Variants in CAP2 observed in about 807,000 individuals in gnomAD.
The protein encoded by CAP2 is cyclase associated actin cytoskeleton regulatory protein 2.
Under a neutral mutation model 57.7 loss-of-function variants are expected in CAP2, and 24 were observed. That is an observed-to-expected ratio of 0.42 (90% CI 0.30 to 0.58). The LOEUF (loss-of-function observed/expected upper bound fraction) is 0.58, where lower values mean the gene tolerates loss of function less well. Ranked by LOEUF, CAP2 falls within the 20% of genes least tolerant of loss-of-function variation. The probability of loss-of-function intolerance (pLI) is 0.22; values close to 1 mark genes in which losing one functional copy is unlikely to be tolerated. For missense variants in CAP2, 501 were observed against 590.3 expected, an observed-to-expected ratio of 0.85 and a Z score of 1.57; for synonymous variants, 194 against 207.2, an observed-to-expected ratio of 0.94 and a Z score of 0.55.
At chr6:17,490,299 A>T (rs1761514163) in intron 4 of CAP2, among the ~76,000 whole-genome samples, 1 of 152,216 alleles carries the variant, frequency 6.6e-6, no homozygotes, top group South Asian at 2.1e-4. Flanking sequence ...CATCTGTATG[A>T]GTCCACATCT....
intron 4 of CAP2, among the ~76,000 whole-genome samples, chr6:17,476,902 C>T (rs538685665): frequency 2.4e-4 from 31 of 130,700 alleles, no homozygotes; most frequent in Admixed American, 2.6e-4. Flanking sequence ...GATGGAATCT[C>T]GCTCTGCTGC....
Position 17,529,629 on chromosome 6 carries a change from A to C in CAP2, c.637-9640A>C, listed in dbSNP as rs1396007893. Among the ~76,000 whole-genome samples the C allele has an allele frequency of 3.0e-5, 4 of 134,872 alleles. No individual in the cohort carries two copies. The Admixed American group carries it at 3.1e-4, about 10-fold the overall frequency. The allele number at this position is 134,872 out of a possible 152,430, so 88.5% of individuals were successfully genotyped here. The stretch of plus-strand genomic sequence containing the variant: ...GCACTCCGGCCTGGGCAACAGAGCA[A>C]GACTCCGTCTCAAAAAAAAAAAATA... On this transcript the variant is annotated intron_variant, in intron 7 of 12. Transcript: ENST00000229922.
At chr6:17,539,588 A>G (rs966149750) in intron 8 of CAP2, 130 bp downstream of exon 8, 3 of 709,130 alleles carry the variant, frequency 4.2e-6, no homozygotes, top group Non-Finnish European at 6.9e-6. Flanking sequence ...GAGAGGGGGA[A>G]CTGGTGCTGG....
At chr6:17,499,702 T>A (rs2113646573) in intron 4 of CAP2, among the ~76,000 whole-genome samples, 1 of 152,024 alleles carries the variant, frequency 6.6e-6, no homozygotes, top group East Asian at 1.9e-4. Flanking sequence ...AATCAAAAAC[T>A]TAGCCAGGGC....
chr6:17,470,965 C>T (rs960839979), intron 4 of CAP2, among the ~76,000 whole-genome samples: 7 of 152,148 alleles, frequency 4.6e-5, no homozygotes, highest in East Asian at 1.9e-4. Context: ...TGTATGTATG[C>T]GATATTTCAA....
intron 1 of CAP2, among the ~76,000 whole-genome samples, chr6:17,420,558 G>C (rs1356651522): frequency 6.6e-6 from 1 of 152,150 alleles, no homozygotes; most frequent in Non-Finnish European, 1.5e-5. Flanking sequence ...TTATCGGTAG[G>C]TTTAGTCTCC....
chr6:17,416,673 G>T (rs998948563), intron 1 of CAP2, among the ~76,000 whole-genome samples: 1 of 152,142 alleles, frequency 6.6e-6, no homozygotes, highest in Non-Finnish European at 1.5e-5. Flanking sequence ...GACATAAGGG[G>T]GAAGGGAGGG....
At chr6:17,442,101 T>C (rs1295795059) in intron 3 of CAP2, among the ~76,000 whole-genome samples, 1 of 152,194 alleles carries the variant, frequency 6.6e-6, no homozygotes, top group Non-Finnish European at 1.5e-5. Context: ...GTTGATACTT[T>C]AGGGGCAATT....
At chr6:17,427,940 G>A (rs924256909) in intron 3 of CAP2, among the ~76,000 whole-genome samples, 3 of 152,172 alleles carry the variant, frequency 2.0e-5, no homozygotes, top group Non-Finnish European at 2.9e-5. Context: ...TGCCTAGGGC[G>A]GTCAAATTTG....
At chr6:17,499,259 C>T (rs563543599) in intron 4 of CAP2, among the ~76,000 whole-genome samples, 5 of 150,666 alleles carry the variant, frequency 3.3e-5, no homozygotes, top group African/African-American at 1.2e-4. Context: ...ATTAGCCAGG[C>T]GTGGTGGCAC....
intron 1 of CAP2, among the ~76,000 whole-genome samples, chr6:17,397,519 C>A (rs570660892): frequency 4.8e-4 from 73 of 151,696 alleles, no homozygotes; most frequent in African/African-American, 1.4e-3. Context: ...GTGGTGAAAC[C>A]CCATCTCTAC....
chr6:17,431,522 G>T (rs1273347372), intron 3 of CAP2, among the ~76,000 whole-genome samples: 2 of 152,148 alleles, frequency 1.3e-5, no homozygotes, highest in South Asian at 2.1e-4. Context: ...CCTCACTTTT[G>T]ATGGGTCATA....
chr6:17,484,556 C>T (rs1299141204), intron 4 of CAP2, among the ~76,000 whole-genome samples: 1 of 152,232 alleles, frequency 6.6e-6, no homozygotes, highest in African/African-American at 2.4e-5. Context: ...AAACACCTCA[C>T]TTTTCATCTC....
chr6:17,475,206 A>AAG (rs1554125491), intron 4 of CAP2, among the ~76,000 whole-genome samples: 2 of 151,810 alleles, frequency 1.3e-5, no homozygotes, highest in African/African-American at 4.9e-5. Context: ...AAAAAAAAAA[A>AAG]AAAGAAAGAA....
At chr6:17,404,412 T>C (rs1232940729) in intron 1 of CAP2, among the ~76,000 whole-genome samples, 6 of 152,182 alleles carry the variant, frequency 3.9e-5, no homozygotes, top group South Asian at 2.1e-4. Flanking sequence ...GAGACCATCC[T>C]GGCTAACACG....
rs1763185924 is a variant in CAP2, at chr6:17,552,195, C to T, written c.1350+591C>T. On this transcript the variant is annotated intron_variant, in intron 12 of 12. Transcript: ENST00000229922. ...GAAACACTAGCCTAAAAGACTTGGC[C>T]ACTATTTATTTTCTCAGCTTTCTCT... Among the ~76,000 whole-genome samples, 10 of 152,310 alleles carry T rather than the reference C, an allele frequency of 6.6e-5. No individual in the cohort carries two copies. In the South Asian group the frequency reaches 2.1e-3, roughly 32 times the overall value.
intron 4 of CAP2, among the ~76,000 whole-genome samples, chr6:17,464,240 T>A (rs1320194574): frequency 2.0e-5 from 3 of 152,232 alleles, no homozygotes. Context: ...ATAAAAATTG[T>A]TATTTTGGCT....
chr6:17,397,415 C>T (rs1232567543), intron 1 of CAP2, among the ~76,000 whole-genome samples: 8 of 151,404 alleles, frequency 5.3e-5, no homozygotes, highest in Admixed American at 5.3e-4. Flanking sequence ...CCACATTGGG[C>T]TGGGCGTGGT....
intron 4 of CAP2, among the ~76,000 whole-genome samples, chr6:17,491,694 A>G (rs1761545306): frequency 6.6e-6 from 1 of 152,202 alleles, no homozygotes; most frequent in Admixed American, 6.5e-5. Context: ...ATCTGGGTCC[A>G]AATCTCAGTT....
Sources: gnomAD v4.1 joint callset for allele counts (sites outside exome capture counted in the v4.1 genomes callset) on GRCh38, gnomAD v4.1.1 for gene constraint, MANE v1.5 for transcripts, NCBI Gene and HGNC (gene_info 2026-07-23, HGNC 2026-07-21) for gene names.